Variants in TUFT1 observed in about 807,000 individuals in gnomAD.
TUFT1 encodes tuftelin.
Under a neutral mutation model 57.8 loss-of-function variants are expected in TUFT1, and 43 were observed. The observed-to-expected ratio is 0.74, with a 90% confidence interval of 0.58 to 0.96. The LOEUF (loss-of-function observed/expected upper bound fraction) is 0.96. TUFT1 is among the 40% of genes least tolerant of loss of function. The pLI, the probability that TUFT1 is intolerant of heterozygous loss-of-function variation, is 0.00. For synonymous variants in TUFT1, 166 were observed against 176.7 expected (o/e 0.94, Z 0.48); for missense variants, 459 against 489.0 (o/e 0.94, Z 0.58).
chr1:151,574,379 G>C lies in TUFT1; in HGVS notation c.704G>C (p.Arg235Pro). 1 of 1,614,090 alleles carries C rather than the reference G, an allele frequency of 6.2e-7. No homozygotes were observed. The highest frequency in any genetic ancestry group is 8.5e-7 in the Non-Finnish European group (1 of 1,180,008). Reference sequence around the variant, plus strand: ...GCAGAAGTCGGAGAGCTGCAGAGGCGCTTGCTAGGGATGGAGACGGTAACC... The same window carrying C: ...GCAGAAGTCGGAGAGCTGCAGAGGCCCTTGCTAGGGATGGAGACGGTAACC... ...KEAEVGELQR[R>P]LLGMETEHQA... Residue 235 changes from arginine (R) to proline (P), a missense_variant, in exon 8 of 13, where the codon CGC becomes CCC. Transcript: ENST00000368849.
intron 1 of TUFT1, among the ~76,000 whole-genome samples, chr1:151,556,250 A>C (rs1486480528): frequency 6.6e-6 from 1 of 152,130 alleles, no homozygotes; most frequent in African/African-American, 2.4e-5. Context: ...TTCTCTACTG[A>C]AGGCATCTGG....
chr1:151,574,335 C>T lies in TUFT1; in HGVS notation c.660C>T (p.Asp220=). Residue 220 remains aspartate, a synonymous_variant, in exon 8 of 13, where the codon GAC becomes GAT. Transcript: ENST00000368849. ...ATGTGGCCCTTCAGAGAGAGGAGGA[C>T]AGAGTGGAGCAGAAAGAGGCAGAAG... ...QSNVALQREE[D]RVEQKEAEVG... 1 of 1,614,122 alleles carries T rather than the reference C, an allele frequency of 6.2e-7. No individual in the cohort carries two copies. The highest frequency in any genetic ancestry group is 1.1e-5 in the South Asian group (1 of 91,084).
chr1:151,560,487 A>G (rs1665849650), intron 1 of TUFT1, among the ~76,000 whole-genome samples: 1 of 152,194 alleles, frequency 6.6e-6, no homozygotes, highest in Admixed American at 6.5e-5. Flanking sequence ...AGAGTTAAGT[A>G]TCTCACCAAA....
intron 1 of TUFT1, among the ~76,000 whole-genome samples, chr1:151,556,223 A>G (rs1041424862): frequency 3.9e-5 from 6 of 152,158 alleles, no homozygotes; most frequent in Admixed American, 1.3e-4. Flanking sequence ...CAGATGTGCC[A>G]CAGTTTGTTT....
chr1:151,579,942 C>G (rs1666590939), intron 11 of TUFT1, among the ~76,000 whole-genome samples: 1 of 152,196 alleles, frequency 6.6e-6, no homozygotes, highest in Admixed American at 6.5e-5. Context: ...ATGACCACCC[C>G]CCTGGCCCCA....
At position 151,578,805 on chromosome 1, in the gene TUFT1, AG is replaced by A; in HGVS notation, c.904del (p.Val302SerfsTer4). 1 of 1,574,348 alleles carries A rather than the reference AG, an allele frequency of 6.4e-7. No homozygotes were observed. Among genetic ancestry groups the A allele is most frequent in the Non-Finnish European group, 8.6e-7 (1 of 1,158,550 alleles). On this transcript the variant is annotated frameshift_variant, in exon 10 of 13. Coordinates refer to ENST00000368849, the MANE Select transcript of TUFT1 (RefSeq NM_020127.3). LOFTEE classifies it high-confidence loss of function. ...ACATGCTCAAGAGCCAGCAGCGGAA[AG>A]TCCGGCAAATGATAGAGCAGGTAAG... is the stretch of plus-strand genomic sequence containing the variant. The part of the protein sequence containing the change: ...DDMLKSQQRK[V>X]RQMIEQLQNS...
At chr1:151,551,771 T>C (rs1164992927) in intron 1 of TUFT1, among the ~76,000 whole-genome samples, 2 of 152,202 alleles carry the variant, frequency 1.3e-5, no homozygotes, top group Non-Finnish European at 2.9e-5. Flanking sequence ...AAACATTTTA[T>C]GTGGTATAAA....
chr1:151,574,802 G>A, intron 8 of TUFT1, 109 bp from the exon 9 acceptor site: 1 of 901,688 alleles, frequency 1.1e-6, no homozygotes, highest in Non-Finnish European at 1.7e-6. Context: ...CTCTTTGGCA[G>A]CTGTCCAGGC....
At chr1:151,558,265 G>A (rs1440329994) in intron 1 of TUFT1, among the ~76,000 whole-genome samples, 1 of 151,692 alleles carries the variant, frequency 6.6e-6, no homozygotes, top group East Asian at 1.9e-4. Context: ...TGTCAATTCT[G>A]AATTGACCGT....
intron 9 of TUFT1, among the ~76,000 whole-genome samples, chr1:151,575,488 CTG>C (rs1362174553): frequency 6.6e-6 from 1 of 152,156 alleles, no homozygotes; most frequent in Non-Finnish European, 1.5e-5. Context: ...CAGATAGAAA[CTG>C]AGAACCACCT....
Position 151,581,856 on chromosome 1 carries a change from C to G in TUFT1, c.*149C>G, listed in dbSNP as rs1266766931. 7 of 769,996 alleles carry G rather than the reference C, an allele frequency of 9.1e-6. No homozygotes were observed. Among genetic ancestry groups the G allele is most frequent in the Non-Finnish European group, 1.5e-5 (7 of 453,552 alleles). The allele number at this position is 769,996 out of a possible 1,614,324, so 47.7% of individuals were successfully genotyped here. A position where few individuals can be genotyped will look rare whatever the true frequency, so the allele number is the denominator to read the frequency against. On this transcript the variant is annotated 3_prime_UTR_variant, in exon 13 of 13. Transcript: ENST00000368849. ...GCTCCTGTGTCTCACCATTCCCAAG[C>G]CCCTGGCCACTCTAAGCTGGGCAGA...
intron 4 of TUFT1, 36 bp downstream of exon 4, chr1:151,564,026 C>G: frequency 2.0e-6 from 3 of 1,510,214 alleles, no homozygotes; most frequent in Non-Finnish European, 2.7e-6. Context: ...GTGCCTAGGT[C>G]ATTTCTCTAA....
At chr1:151,570,496 G>A (rs2102548011) in intron 7 of TUFT1, among the ~76,000 whole-genome samples, 1 of 152,152 alleles carries the variant, frequency 6.6e-6, no homozygotes, top group African/African-American at 2.4e-5. Context: ...TGGCCAGGAT[G>A]GTCTCGATCT....
At chr1:151,572,734 G>C (rs1393011592) in intron 7 of TUFT1, among the ~76,000 whole-genome samples, 1 of 152,168 alleles carries the variant, frequency 6.6e-6, no homozygotes, top group Non-Finnish European at 1.5e-5. Flanking sequence ...GCTGCTTGCT[G>C]TCAAGAAGGA....
chr1:151,572,519 T>A (rs568478832), intron 7 of TUFT1, among the ~76,000 whole-genome samples: 7 of 152,196 alleles, frequency 4.6e-5, no homozygotes, highest in Admixed American at 1.3e-4. Flanking sequence ...ATAAATAAAA[T>A]TTTTTTAAAA....
At chr1:151,554,594 T>G (rs1459413047) in intron 1 of TUFT1, among the ~76,000 whole-genome samples, 1 of 150,892 alleles carries the variant, frequency 6.6e-6, no homozygotes, top group Non-Finnish European at 1.5e-5. Flanking sequence ...GAGATGGGGT[T>G]TCAACATGTT....
intron 9 of TUFT1, among the ~76,000 whole-genome samples, chr1:151,575,522 A>G (rs1253482115): frequency 6.6e-6 from 1 of 152,176 alleles, no homozygotes; most frequent in African/African-American, 2.4e-5. Context: ...CCCGTAGGTG[A>G]TCACTGAGAT....
rs865962681 is a variant in TUFT1 at position 151,574,918 on chromosome 1, A to G, written c.731A>G (p.Gln244Arg). Residue 244 changes from glutamine to arginine, a missense_variant, in exon 9 of 13, where the codon CAG becomes CGG. By Grantham distance (43) the Gln-to-Arg change is conservative. Coordinates refer to ENST00000368849, the MANE Select transcript of TUFT1 (RefSeq NM_020127.3). ...CTTTTGTGGCCCACCCAGGAGCATC[A>G]GGCCTTACTGGCGAAAGTGAGGGAA... is the stretch of plus-strand genomic sequence containing the variant. ...RRLLGMETEH[Q>R]ALLAKVREGE... 6.4e-7 allele frequency: 1 copy of G among 1,570,170 alleles called. No individual in the cohort carries two copies.
At chr1:151,567,881 T>G (rs1666133147) in intron 6 of TUFT1, among the ~76,000 whole-genome samples, 1 of 152,128 alleles carries the variant, frequency 6.6e-6, no homozygotes, top group Non-Finnish European at 1.5e-5. Flanking sequence ...TGTTATTATG[T>G]TTTTTTGTGA....
Sources: gnomAD v4.1 joint callset for allele counts (sites outside exome capture counted in the v4.1 genomes callset) on GRCh38, gnomAD v4.1.1 for gene constraint, MANE v1.5 for transcripts, NCBI Gene and HGNC (gene_info 2026-07-23, HGNC 2026-07-21) for gene names.